Variants in DAB1 observed in about 807,000 individuals in gnomAD.
DAB1 encodes disabled homolog 1.
A neutral mutation model predicts 64.6 loss-of-function variants in DAB1; 15 were observed. The ratio of observed to expected loss-of-function variants is 0.23; its 90% CI spans 0.16 to 0.36. The LOEUF is 0.36. DAB1 is among the 10% of genes least tolerant of loss of function. DAB1 has a pLI of 1.00. For synonymous variants in DAB1, 235 were observed against 251.9 expected (o/e 0.93, Z 0.64); for missense variants, 596 against 706.7 (o/e 0.84, Z 1.78).
At chr1:58,465,446 A>G (rs752069224) in intron 3 of DAB1, among the ~76,000 whole-genome samples, 1 of 152,216 alleles carries the variant, frequency 6.6e-6, no homozygotes, top group Non-Finnish European at 1.5e-5. Context: ...AAGAAATGAC[A>G]ACAACAACGA....
chr1:57,690,159 TG>T (rs1176751165), intron 6 of DAB1, among the ~76,000 whole-genome samples: 1 of 152,192 alleles, frequency 6.6e-6, no homozygotes, highest in African/African-American at 2.4e-5. Flanking sequence ...ATTTATCTGT[TG>T]ATGGACACTT....
At chr1:58,079,634 C>T (rs111435222) in intron 5 of DAB1, among the ~76,000 whole-genome samples, 1,755 of 149,736 alleles carry the variant, frequency 0.012, 29 homozygotes, top group African/African-American at 0.039. Context: ...CAATTCTCTG[C>T]CTCAGCCTCC....
At chr1:57,168,792 A>G (rs155292) in intron 2 of DAB1, among the ~76,000 whole-genome samples, 1,698 of 152,300 alleles carry the variant, frequency 0.011, 31 homozygotes, top group African/African-American at 0.038. Context: ...GCAGTGATTC[A>G]CACCTGTAAT....
At position 57,193,474 on chromosome 1, in the gene DAB1, C is replaced by G. The variant is rs980167173; in HGVS notation, c.68-48045G>C. Among the ~76,000 whole-genome samples the G allele has an allele frequency of 1.2e-4, 17 of 140,324 alleles. No homozygotes were observed. The East Asian group carries it at 2.2e-3, about 18-fold the overall frequency. The allele number at this position is 140,324 out of a possible 152,430, so 92.1% of individuals were successfully genotyped here. On this transcript the variant is annotated intron_variant, in intron 2 of 14. Transcript: ENST00000371236. ...CGATCTCGGCTCACTACAAGCTCCA[C>G]CTCCCGGGTTCACGCCATTCTCCTG... is the stretch of plus-strand genomic sequence containing the variant.
downstream of DAB1, among the ~76,000 whole-genome samples, chr1:57,822,034 C>T (rs1179025768): frequency 6.6e-6 from 1 of 152,198 alleles, no homozygotes; most frequent in South Asian, 2.1e-4. Flanking sequence ...CACTAGGCTG[C>T]AGGCTTCCTT....
chr1:58,197,940 T>C (rs1044434536), intron 4 of DAB1, among the ~76,000 whole-genome samples: 2 of 152,204 alleles, frequency 1.3e-5, no homozygotes, highest in Admixed American at 6.5e-5. Flanking sequence ...TGTAAATCTA[T>C]TCCCATCATC....
intron 5 of DAB1, among the ~76,000 whole-genome samples, chr1:58,121,325 C>T (rs1219945030): frequency 6.6e-6 from 1 of 152,094 alleles, no homozygotes; most frequent in Non-Finnish European, 1.5e-5. Flanking sequence ...GCAAGTACTA[C>T]CTACTTTTCA....
At position 58,339,766 on chromosome 1, in the gene DAB1, A is replaced by G. The variant is rs17442487; in HGVS notation, n.309+3586T>C. Reference sequence around the variant, plus strand: ...TGTCCCTATTCTGGAAGACTTTAAGATAATTTTCCAAACAGAAATATTTTA... The same window carrying G: ...TGTCCCTATTCTGGAAGACTTTAAGGTAATTTTCCAAACAGAAATATTTTA... On this transcript the variant is annotated intron_variant and non_coding_transcript_variant, in intron 4 of 20. Coordinates refer to the DAB1 transcript ENST00000485760. Among the ~76,000 whole-genome samples, 937 of 152,322 alleles carry G rather than the reference A, an allele frequency of 6.2e-3. 7 individuals are homozygous for G. The highest frequency in any genetic ancestry group is 0.024 in the Middle Eastern group (7 of 294).
intron 6 of DAB1, among the ~76,000 whole-genome samples, chr1:57,730,667 A>G (rs977311933): frequency 6.6e-6 from 1 of 152,048 alleles, no homozygotes; most frequent in African/African-American, 2.4e-5. Context: ...GAGGCATTGA[A>G]CTCCTTCAGG....
intron 7 of DAB1, among the ~76,000 whole-genome samples, chr1:57,466,737 A>G (rs1284597311): frequency 2.6e-5 from 4 of 152,162 alleles, no homozygotes; most frequent in Non-Finnish European, 4.4e-5. Context: ...GGTTGGCACA[A>G]TTCAGTTCCA....
chr1:58,319,123 TG>T (rs1662624508), intron 4 of DAB1, among the ~76,000 whole-genome samples: 1 of 151,278 alleles, frequency 6.6e-6, no homozygotes, highest in African/African-American at 2.4e-5. Context: ...GAGTGGTGTG[TG>T]GGGAGAAAGA....
intron 7 of DAB1, among the ~76,000 whole-genome samples, chr1:57,481,218 T>C (rs76438470): frequency 6.6e-6 from 1 of 152,266 alleles, no homozygotes; most frequent in African/African-American, 2.4e-5. Flanking sequence ...CAGTCATTTT[T>C]AAAGATCCCC....
intron 5 of DAB1, among the ~76,000 whole-genome samples, chr1:57,971,398 C>G (rs546635524): frequency 1.2e-4 from 18 of 152,198 alleles, no homozygotes; most frequent in Non-Finnish European, 2.2e-4. Context: ...CATGACTATC[C>G]TTTGACAGTA....
chr1:58,174,449 C>T lies in DAB1; in HGVS notation n.310-23861G>A, dbSNP rs763017559. 3.4e-4 allele frequency among the ~76,000 whole-genome samples: 52 copies of T among 152,302 alleles called. 1 individual carries two copies. The highest frequency in any genetic ancestry group is 6.2e-4 in the Non-Finnish European group (42 of 68,024). On this transcript the variant is annotated intron_variant and non_coding_transcript_variant, in intron 4 of 20. Coordinates refer to the DAB1 transcript ENST00000485760. Reference sequence around the variant, plus strand: ...CAACTTCTACCAAGGACCCCTGGACCGACCTGCTGGCCCTCTGACTGACCT... The same window carrying T: ...CAACTTCTACCAAGGACCCCTGGACTGACCTGCTGGCCCTCTGACTGACCT...
chr1:58,162,649 A>G (rs1264248354), intron 4 of DAB1, among the ~76,000 whole-genome samples: 1 of 152,298 alleles, frequency 6.6e-6, no homozygotes, highest in Admixed American at 6.5e-5. Context: ...TTATTTTTCA[A>G]TTATTCTGTT....
intron 4 of DAB1, among the ~76,000 whole-genome samples, chr1:58,188,555 A>C (rs1202823808): frequency 6.6e-6 from 1 of 152,180 alleles, no homozygotes; most frequent in African/African-American, 2.4e-5. Flanking sequence ...TAATACTAAG[A>C]TCCCATGTTT....
At chr1:57,117,616 G>A (rs184332969) in intron 4 of DAB1, among the ~76,000 whole-genome samples, 1 of 152,244 alleles carries the variant, frequency 6.6e-6, no homozygotes, top group Non-Finnish European at 1.5e-5. Flanking sequence ...GTGCAGTGCG[G>A]TATATGTCAT....
intron 5 of DAB1, among the ~76,000 whole-genome samples, chr1:58,054,267 T>C (rs1647910010): frequency 1.3e-5 from 2 of 152,220 alleles, no homozygotes; most frequent in African/African-American, 2.4e-5. Context: ...ATAACTCCTA[T>C]ATCTACAATT....
At chr1:57,193,086 T>C (rs1305456783) in intron 2 of DAB1, among the ~76,000 whole-genome samples, 1 of 152,190 alleles carries the variant, frequency 6.6e-6, no homozygotes, top group Non-Finnish European at 1.5e-5. Flanking sequence ...ACTTAAACTC[T>C]ACTCTTGGCA....
Sources: gnomAD v4.1 joint callset for allele counts (sites outside exome capture counted in the v4.1 genomes callset) on GRCh38, gnomAD v4.1.1 for gene constraint, MANE v1.5 for transcripts, NCBI Gene and HGNC (gene_info 2026-07-23, HGNC 2026-07-21) for gene names.